MAGI2: variants seen among roughly 807,000 people sequenced by gnomAD.
The protein encoded by MAGI2 is membrane associated guanylate kinase, WW and PDZ domain containing 2, also known as membrane-associated guanylate kinase, WW and PDZ domain-containing protein 2.
A neutral mutation model predicts 133.3 loss-of-function variants in MAGI2; 35 were observed. That is an observed-to-expected ratio of 0.26 (90% confidence interval 0.20 to 0.35). MAGI2 has a LOEUF of 0.35. MAGI2 is among the 10% of genes least tolerant of loss of function. The pLI, the probability that MAGI2 is intolerant of heterozygous loss-of-function variation, is 1.00. For missense variants in MAGI2, 1,636 were observed against 1,863.4 expected, an observed-to-expected ratio of 0.88 and a Z score of 2.25; for synonymous variants, 729 against 710.6, an observed-to-expected ratio of 1.03 and a Z score of -0.41.
intron 1 of MAGI2, among the ~76,000 whole-genome samples, chr7:79,209,308 A>G (rs1362399506): frequency 6.6e-6 from 1 of 152,086 alleles, no homozygotes. Context: ...ATCTGTCGCA[A>G]AAACATAAAT....
chr7:79,237,051 G>T (rs1368261036), intron 1 of MAGI2, among the ~76,000 whole-genome samples: 1 of 151,862 alleles, frequency 6.6e-6, no homozygotes, highest in African/African-American at 2.4e-5. Flanking sequence ...TCACTAAAAA[G>T]AAAAAATAAC....
intron 13 of MAGI2, among the ~76,000 whole-genome samples, chr7:78,179,964 AG>A (rs1022090250): frequency 6.6e-6 from 1 of 152,208 alleles, no homozygotes; most frequent in African/African-American, 2.4e-5. Context: ...AAATCATAGC[AG>A]GTATCTGTAC....
intron 3 of MAGI2, among the ~76,000 whole-genome samples, chr7:78,556,759 C>A (rs963675480): frequency 7.2e-5 from 11 of 152,146 alleles, no homozygotes; most frequent in African/African-American, 2.7e-4. Context: ...TGTGTGAAAG[C>A]CACACTTCCT....
At chr7:78,325,710 A>C (rs933644487) in intron 9 of MAGI2, among the ~76,000 whole-genome samples, 2 of 152,110 alleles carry the variant, frequency 1.3e-5, no homozygotes, top group African/African-American at 4.8e-5. Flanking sequence ...CCCCACTCTC[A>C]TCCTGCCCTG....
At chr7:78,504,095 T>G (rs1022218085) in intron 4 of MAGI2, among the ~76,000 whole-genome samples, 1 of 152,092 alleles carries the variant, frequency 6.6e-6, no homozygotes, top group Non-Finnish European at 1.5e-5. Context: ...GAAAAATACA[T>G]GAAGACCTAG....
chr7:79,289,545 AAT>A lies in MAGI2; in HGVS notation c.301+163473_301+163474del, dbSNP rs547354643. ...TGATGGACTATTATTGATGACTAGTAATATAACAAATAACAGTCATCCCTGAA... is the reference window on the plus strand; with the variant it reads ...TGATGGACTATTATTGATGACTAGTAATAACAAATAACAGTCATCCCTGAA... On this transcript the variant is annotated intron_variant, in intron 1 of 21. Coordinates refer to ENST00000354212, the MANE Select transcript of MAGI2 (RefSeq NM_012301.4). Among the ~76,000 whole-genome samples the A allele has an allele frequency of 3.9e-4, 60 of 152,252 alleles. No individual in the cohort carries two copies. In the South Asian group the frequency reaches 0.012, roughly 31 times the overall value.
chr7:79,067,240 G>A (rs1000317017), intron 1 of MAGI2, among the ~76,000 whole-genome samples: 1 of 152,170 alleles, frequency 6.6e-6, no homozygotes, highest in Admixed American at 6.6e-5. Context: ...CTATCCATGA[G>A]CATGGAATGT....
At chr7:78,291,666 C>T (rs1033764333) in intron 9 of MAGI2, among the ~76,000 whole-genome samples, 10 of 152,200 alleles carry the variant, frequency 6.6e-5, no homozygotes, top group East Asian at 1.9e-4. Flanking sequence ...TGATGAACAT[C>T]GATGCAAAAA....
At chr7:78,557,346 T>C (rs2150726276) in intron 3 of MAGI2, among the ~76,000 whole-genome samples, 1 of 152,308 alleles carries the variant, frequency 6.6e-6, no homozygotes, top group Non-Finnish European at 1.5e-5. Context: ...GTTAGCATTG[T>C]TGTATTCTCC....
Position 78,984,494 on chromosome 7 carries a change from G to A in MAGI2, c.418+22596C>T, listed in dbSNP as rs757533073. Reference sequence around the variant, plus strand: ...CATTAATTTTATTCCAGCAAATCTGGCCTCCTGTCTATTGTTTACACCCAC... The same window carrying A: ...CATTAATTTTATTCCAGCAAATCTGACCTCCTGTCTATTGTTTACACCCAC... On this transcript the variant is annotated intron_variant, in intron 2 of 21. Transcript: ENST00000354212. Among the ~76,000 whole-genome samples, 6 of 151,596 alleles carry A rather than the reference G, an allele frequency of 4.0e-5. No individual in the cohort carries two copies. The South Asian group carries it at 8.3e-4, about 21-fold the overall frequency.
chr7:79,077,220 G>A (rs1391210752), intron 1 of MAGI2, among the ~76,000 whole-genome samples: 1 of 152,032 alleles, frequency 6.6e-6, no homozygotes, highest in Non-Finnish European at 1.5e-5. Flanking sequence ...CTGATTCTTG[G>A]TTCTGAACAA....
chr7:78,043,412 G>A (rs1308554038), intron 21 of MAGI2, among the ~76,000 whole-genome samples: 1 of 152,178 alleles, frequency 6.6e-6, no homozygotes, highest in Non-Finnish European at 1.5e-5. Flanking sequence ...CTTCCTATCA[G>A]CCTTAAAGGT....
At chr7:78,106,001 C>T (rs745561631) in intron 20 of MAGI2, among the ~76,000 whole-genome samples, 2 of 151,892 alleles carry the variant, frequency 1.3e-5, no homozygotes, top group Non-Finnish European at 2.9e-5. Flanking sequence ...CCCACTTTTC[C>T]CCCTTCTGCC....
intron 2 of MAGI2, among the ~76,000 whole-genome samples, chr7:79,001,611 TTGTGG>T (rs1174211459): frequency 6.6e-6 from 1 of 152,200 alleles, no homozygotes. Flanking sequence ...GTCAGTTTAA[TTGTGG>T]TTGATTAGAC....
chr7:79,031,493 T>A (rs559784995), intron 1 of MAGI2, among the ~76,000 whole-genome samples: 9 of 152,264 alleles, frequency 5.9e-5, no homozygotes, highest in South Asian at 4.1e-4. Flanking sequence ...AAATATTGAA[T>A]TTTTCTATAT....
At chr7:79,087,096 T>C (rs1816579975) in intron 1 of MAGI2, among the ~76,000 whole-genome samples, 1 of 151,826 alleles carries the variant, frequency 6.6e-6, no homozygotes, top group Admixed American at 6.6e-5. Context: ...ACCATTTCCC[T>C]TCATAAATAA....
At chr7:78,141,924 G>A (rs563999472) in intron 16 of MAGI2, among the ~76,000 whole-genome samples, 7 of 152,260 alleles carry the variant, frequency 4.6e-5, no homozygotes, top group South Asian at 2.1e-4. Context: ...ATATATTACC[G>A]TTTATGCTTT....
intron 10 of MAGI2, among the ~76,000 whole-genome samples, chr7:78,230,324 G>A (rs1789836765): frequency 6.6e-6 from 1 of 152,192 alleles, no homozygotes; most frequent in Admixed American, 6.5e-5. Context: ...GCATAATATA[G>A]TATTTCTAAA....
At chr7:79,190,204 A>G (rs909954135) in intron 1 of MAGI2, among the ~76,000 whole-genome samples, 12 of 151,876 alleles carry the variant, frequency 7.9e-5, no homozygotes, top group Non-Finnish European at 4.4e-5. Flanking sequence ...AAACTGCCAA[A>G]TTATCTTTCC....
Sources: gnomAD v4.1 joint callset for allele counts (sites outside exome capture counted in the v4.1 genomes callset) on GRCh38, gnomAD v4.1.1 for gene constraint, MANE v1.5 for transcripts, NCBI Gene and HGNC (gene_info 2026-07-23, HGNC 2026-07-21) for gene names.